Variants in MYH11 observed in about 807,000 individuals in gnomAD.
The protein encoded by MYH11 is myosin heavy chain 11.
A neutral mutation model predicts 246.6 loss-of-function variants in MYH11; 80 were observed. The ratio of observed to expected loss-of-function variants is 0.32; its 90% CI spans 0.27 to 0.39. MYH11 has a LOEUF of 0.39. Ranked by LOEUF, MYH11 falls within the 10% of genes least tolerant of loss-of-function variation. The probability of loss-of-function intolerance (pLI) is 1.00; values close to 1 mark genes in which losing one functional copy is unlikely to be tolerated. For synonymous variants in MYH11, 1,071 were observed against 1,015.5 expected (o/e 1.05, Z -1.04); for missense variants, 2,158 against 2,546.8 (o/e 0.85, Z 3.29).
At chr16:15,850,451 ACCTCACCTGGTCAACAGCTTC>A (rs1188212893) in intron 1 of MYH11, among the ~76,000 whole-genome samples, 19 of 152,130 alleles carry the variant, frequency 1.2e-4, no homozygotes, top group Admixed American at 1.2e-3. Flanking sequence ...TTTGCACATC[ACCTCACCTGGTCAACAGCTTC>A]CCTCAGGATT....
intron 19 of MYH11, 85 bp from the exon 20 acceptor site, chr16:15,745,322 T>C (rs1030689873): frequency 2.9e-5 from 27 of 929,116 alleles, no homozygotes; most frequent in Non-Finnish European, 4.5e-5. Context: ...ATCCTGAACC[T>C]GCACAGGGAC....
intron 23 of MYH11, among the ~76,000 whole-genome samples, chr16:15,739,381 A>G (rs1380709916): frequency 6.6e-6 from 1 of 152,124 alleles, no homozygotes; most frequent in African/African-American, 2.4e-5. Context: ...GATTGCAGGC[A>G]TGAGCCACCG....
Position 15,741,564 on chromosome 16 carries a change from G to C in MYH11, c.2758C>G (p.Leu920Val). Residue 920 changes from leucine (L) to valine (V), a missense_variant, in exon 22 of 41, where the codon CTG becomes GTG. Leu to Val is a conservative substitution (Grantham distance 32). This residue lies in a region of MYH11 where 284 missense variants were observed against 315.4 expected (regional missense o/e 0.90). Transcript: ENST00000300036. The stretch of plus-strand genomic sequence containing the variant: ...TCCATCTCATGCAGTATCTCCTCCA[G>C]CTCCTGCTTCTTGGCCGCCAGCCGC... Reference protein sequence around the residue: ...RVRLAAKKQELEEILHEMEAR... With the variant: ...RVRLAAKKQEVEEILHEMEAR... 6.2e-7 allele frequency: 1 copy of C among 1,611,406 alleles called. No individual in the cohort carries two copies. The highest frequency in any genetic ancestry group is 8.5e-7 in the Non-Finnish European group (1 of 1,180,016).
chr16:15,841,826 G>A (rs2044059637), intron 1 of MYH11, among the ~76,000 whole-genome samples: 1 of 152,192 alleles, frequency 6.6e-6, no homozygotes, highest in East Asian at 1.9e-4. Context: ...TGGCCACCAG[G>A]ATCTATGCGT....
At chr16:15,831,542 G>A (rs992685557) in intron 2 of MYH11, among the ~76,000 whole-genome samples, 3 of 151,278 alleles carry the variant, frequency 2.0e-5, no homozygotes, top group Non-Finnish European at 2.9e-5. Flanking sequence ...AGGGAAGAGG[G>A]CTGCTTTTTG....
At chr16:15,708,802 C>G (rs557821702) in intron 40 of MYH11, 5 of 1,607,542 alleles carry the variant, frequency 3.1e-6, no homozygotes, top group Admixed American at 3.4e-5. Flanking sequence ...AGGCATGATA[C>G]CTGGTGCATC....
chr16:15,823,686 G>A (rs945460486), intron 2 of MYH11, among the ~76,000 whole-genome samples: 4 of 152,098 alleles, frequency 2.6e-5, no homozygotes, highest in African/African-American at 9.7e-5. Context: ...GTGCGGTGGT[G>A]TGAACGTGAC....
chr16:15,738,420 G>GGA, intron 24 of MYH11, 145 bp downstream of exon 24: 2 of 707,076 alleles, frequency 2.8e-6, no homozygotes, highest in Non-Finnish European at 4.5e-6. Context: ...GGCTGAGGCA[G>GGA]GAGGATCACT....
At chr16:15,752,047 C>T (rs1455126061) in intron 15 of MYH11, among the ~76,000 whole-genome samples, 1 of 152,040 alleles carries the variant, frequency 6.6e-6, no homozygotes, top group Non-Finnish European at 1.5e-5. Context: ...CTGCCTCAGC[C>T]TCCCAAAGTG....
chr16:15,725,577 C>G, intron 28 of MYH11: 1 of 406,604 alleles, frequency 2.5e-6, no homozygotes, highest in East Asian at 3.5e-5. Flanking sequence ...TGTTAGCCTA[C>G]CCCTCCATCT....
intron 8 of MYH11, among the ~76,000 whole-genome samples, chr16:15,772,018 T>C (rs570412007): frequency 9.5e-4 from 144 of 151,712 alleles, no homozygotes; most frequent in African/African-American, 3.3e-3. Flanking sequence ...TTTACCTCAA[T>C]TGTCTAGAGG....
At chr16:15,828,579 G>C (rs7195760) in intron 2 of MYH11, among the ~76,000 whole-genome samples, 16,123 of 152,102 alleles carry the variant, frequency 0.11, 1,929 homozygotes, top group African/African-American at 0.3. Flanking sequence ...GATCACTTGA[G>C]GTCAGGAGTT....
chr16:15,790,557 G>A (rs2042585014), intron 4 of MYH11, among the ~76,000 whole-genome samples: 1 of 152,216 alleles, frequency 6.6e-6, no homozygotes, highest in South Asian at 2.1e-4. Flanking sequence ...TCTGAAGGTT[G>A]ATGTGCTTAG....
intron 10 of MYH11, 48 bp from the exon 11 acceptor site, chr16:15,760,706 T>C: frequency 7.7e-7 from 1 of 1,298,742 alleles, no homozygotes; most frequent in Non-Finnish European, 1.1e-6. Flanking sequence ...AAGAAATAGC[T>C]TGGCAAGAAG....
chr16:15,703,595 G>A lies in MYH11; in HGVS notation c.*396C>T, dbSNP rs2039299321. The A allele has an allele frequency of 7.9e-6, 3 of 380,878 alleles. No homozygotes were observed. The highest frequency in any genetic ancestry group is 4.9e-6 in the Non-Finnish European group (1 of 202,536). 23.6% of individuals were successfully genotyped at this position (380,878 alleles called of 1,614,324 possible). A position where few individuals can be genotyped will look rare whatever the true frequency, so the allele number is the denominator to read the frequency against. On this transcript the variant is annotated 3_prime_UTR_variant, in exon 41 of 41. Transcript: ENST00000300036. The stretch of plus-strand genomic sequence containing the variant: ...TGAATACAGGGGTAGTAGGGGTGGT[G>A]GTGGTGGTGGTGGTTGAGACAGGGT...
At position 15,798,704 on chromosome 16, in the gene MYH11, G is replaced by T. The variant is rs60398959; in HGVS notation, c.503-17C>A. 1 of 1,607,666 alleles carries T rather than the reference G, an allele frequency of 6.2e-7. No individual in the cohort carries two copies. Among genetic ancestry groups the T allele is most frequent in the African/African-American group, 1.4e-5 (1 of 71,040 alleles). ...CCTCCCGATCTGCAAACAGAAAGAA[G>T]AAAAAAGAGCCATGAATTAAAATGA... On this transcript the variant is annotated splice_polypyrimidine_tract_variant and intron_variant, in intron 3 of 40. Coordinates refer to ENST00000300036, the MANE Select transcript of MYH11 (RefSeq NM_002474.3).
At chr16:15,745,088 G>T (rs1158787986) in intron 20 of MYH11, 41 bp downstream of exon 20, 2 of 1,522,628 alleles carry the variant, frequency 1.3e-6, no homozygotes, top group Non-Finnish European at 9.1e-7. Context: ...AAGAAGCAGG[G>T]CTGGGGGCCC....
At chr16:15,753,843 C>T (rs954016965) in intron 14 of MYH11, among the ~76,000 whole-genome samples, 5 of 152,080 alleles carry the variant, frequency 3.3e-5, no homozygotes, top group East Asian at 1.9e-4. Context: ...GATTTCATGA[C>T]GGCAGATGCC....
chr16:15,704,786 C>T (rs1376242771), intron 40 of MYH11, among the ~76,000 whole-genome samples: 3 of 152,170 alleles, frequency 2.0e-5, no homozygotes, highest in East Asian at 1.9e-4. Context: ...CCGCACATGG[C>T]GTAAAACAGG....
Sources: allele counts gnomAD v4.1 joint callset (sites outside exome capture counted in the v4.1 genomes callset), GRCh38; gene constraint gnomAD v4.1.1; regional missense constraint gnomAD v4.1.1; transcripts MANE v1.5; gene names NCBI Gene and HGNC (gene_info 2026-07-23, HGNC 2026-07-21).